ADAM32: variants seen among roughly 807,000 people sequenced by gnomAD.
ADAM32 encodes the protein ADAM metallopeptidase domain 32, also known as disintegrin and metalloproteinase domain-containing protein 32.
In ADAM32, 89 loss-of-function variants were observed where a neutral mutation model predicts 114.9. The observed-to-expected ratio is 0.77, with a 90% confidence interval of 0.65 to 0.92. ADAM32 has a LOEUF of 0.92. ADAM32 is among the 40% of genes least tolerant of loss of function. ADAM32 has a pLI of 0.00. For missense variants in ADAM32, 870 were observed against 932.8 expected, an observed-to-expected ratio of 0.93 and a Z score of 0.88; for synonymous variants, 285 against 307.5, an observed-to-expected ratio of 0.93 and a Z score of 0.77.
chr8:39,164,336 A>G (rs949970865), intron 7 of ADAM32, among the ~76,000 whole-genome samples: 9 of 152,192 alleles, frequency 5.9e-5, no homozygotes, highest in African/African-American at 2.2e-4. Flanking sequence ...TGCTGAGTTT[A>G]TGGTAGGAAT....
chr8:39,114,175 T>G (rs2129444131), intron 1 of ADAM32, among the ~76,000 whole-genome samples: 2 of 152,344 alleles, frequency 1.3e-5, no homozygotes, highest in Non-Finnish European at 2.9e-5. Flanking sequence ...GCTGGTATTT[T>G]GAGTCCTCAG....
At chr8:39,147,392 G>A (rs1442935779) in intron 4 of ADAM32, among the ~76,000 whole-genome samples, 187 bp downstream of exon 4, 1 of 151,816 alleles carries the variant, frequency 6.6e-6, no homozygotes, top group Non-Finnish European at 1.5e-5. Flanking sequence ...TCCCATTGCT[G>A]AGAACATAGT....
intron 11 of ADAM32, among the ~76,000 whole-genome samples, chr8:39,208,172 T>C (rs900355481): frequency 6.6e-6 from 1 of 152,202 alleles, no homozygotes. Flanking sequence ...GTTGTGTAAT[T>C]TACATTTTCA....
intron 22 of ADAM32, among the ~76,000 whole-genome samples, chr8:39,279,085 A>G (rs966570288): frequency 6.6e-6 from 1 of 152,128 alleles, no homozygotes. Flanking sequence ...TTATGATTAT[A>G]TGTTCTGATA....
chr8:39,130,924 C>CGGCATTTT (rs1176412329), intron 2 of ADAM32: 2 of 443,582 alleles, frequency 4.5e-6, no homozygotes, highest in African/African-American at 4.1e-5. Flanking sequence ...CCTATAATCC[C>CGGCATTTT]GGCATTTTGG....
chr8:39,267,986 A>G (rs774462497), intron 19 of ADAM32, among the ~76,000 whole-genome samples: 2 of 152,254 alleles, frequency 1.3e-5, no homozygotes, highest in African/African-American at 2.4e-5. Flanking sequence ...CCTTGAAAGC[A>G]GGGTACAAAG....
chr8:39,226,339 T>C (rs1250009722), intron 14 of ADAM32, among the ~76,000 whole-genome samples: 1 of 152,016 alleles, frequency 6.6e-6, no homozygotes. Context: ...TAATAATAAC[T>C]GAAAACTTCC....
chr8:39,206,342 A>C (rs1460035137), intron 11 of ADAM32, among the ~76,000 whole-genome samples: 2 of 152,034 alleles, frequency 1.3e-5, no homozygotes, highest in African/African-American at 4.8e-5. Flanking sequence ...TTTTGAGTGG[A>C]TTGTTCTTCT....
At chr8:39,147,914 C>G (rs756208163) in intron 4 of ADAM32, among the ~76,000 whole-genome samples, 1 of 152,080 alleles carries the variant, frequency 6.6e-6, no homozygotes, top group Non-Finnish European at 1.5e-5. Context: ...TTTGGGATTA[C>G]AGGCATGCAC....
At chr8:39,139,879 AGGTCCTTC>A (rs1803035960) in intron 3 of ADAM32, among the ~76,000 whole-genome samples, 1 of 152,102 alleles carries the variant, frequency 6.6e-6, no homozygotes, top group Non-Finnish European at 1.5e-5. Flanking sequence ...CTCCTTGAAG[AGGTCCTTC>A]ACATCCCTTG....
chr8:39,262,045 T>C (rs1420777539), intron 19 of ADAM32, among the ~76,000 whole-genome samples: 1 of 152,188 alleles, frequency 6.6e-6, no homozygotes, highest in African/African-American at 2.4e-5. Context: ...TTTAATTTGA[T>C]ATAATCCCAT....
At chr8:39,121,789 T>C (rs1039267586) in intron 2 of ADAM32, among the ~76,000 whole-genome samples, 1 of 151,890 alleles carries the variant, frequency 6.6e-6, no homozygotes, top group Non-Finnish European at 1.5e-5. Context: ...CCCAGAGCTG[T>C]GGGGGCAGAG....
intron 11 of ADAM32, among the ~76,000 whole-genome samples, chr8:39,207,564 T>G (rs1268290046): frequency 6.6e-6 from 1 of 152,224 alleles, no homozygotes. Context: ...ACAATAACAT[T>G]CAAAATCTGC....
At chr8:39,240,889 C>T (rs752267598) in intron 16 of ADAM32, among the ~76,000 whole-genome samples, 3 of 152,146 alleles carry the variant, frequency 2.0e-5, no homozygotes, top group Non-Finnish European at 2.9e-5. Context: ...GCCTTCCTAA[C>T]AGTCCCCCAA....
At chr8:39,129,935 A>G (rs1235285828) in intron 2 of ADAM32, 2 of 372,608 alleles carry the variant, frequency 5.4e-6, no homozygotes, top group Non-Finnish European at 1.0e-5. Context: ...ATGTTGGCAT[A>G]AAATTGTACA....
chr8:39,112,396 C>G (rs1046872259), intron 1 of ADAM32, among the ~76,000 whole-genome samples: 1 of 152,010 alleles, frequency 6.6e-6, no homozygotes, highest in African/African-American at 2.4e-5. Flanking sequence ...GATTTTTGTA[C>G]TAAGTTTATC....
In ADAM32 at chr8:39,173,970, G is replaced by A. The variant is rs191557030; in HGVS notation, c.915+3973G>A. Among the ~76,000 whole-genome samples the A allele has an allele frequency of 3.6e-3, 542 of 152,186 alleles. 7 individuals carry two copies. Among genetic ancestry groups the A allele is most frequent in the African/African-American group, 0.011 (469 of 41,528 alleles). ...CTTGCCAGTAGCTGGGATTACAGAC[G>A]TGCACTGCCACACTTGGCTAATTTT... On this transcript the variant is annotated intron_variant, in intron 10 of 24. Coordinates refer to ENST00000379907, the MANE Select transcript of ADAM32 (RefSeq NM_145004.7).
At chr8:39,283,456 T>G in intron 23 of ADAM32, 130 bp from the exon 24 acceptor site, 1 of 620,152 alleles carries the variant, frequency 1.6e-6, no homozygotes, top group Non-Finnish European at 2.5e-6. Context: ...GGTAGAAATT[T>G]GGCAAATATT....
intron 7 of ADAM32, among the ~76,000 whole-genome samples, chr8:39,161,517 G>A (rs13439696): frequency 6.6e-6 from 1 of 151,986 alleles, no homozygotes; most frequent in African/African-American, 2.4e-5. Flanking sequence ...ATTTCAGAAC[G>A]TTAGGGTGAC....
Sources: gnomAD v4.1 joint callset for allele counts (sites outside exome capture counted in the v4.1 genomes callset) on GRCh38, gnomAD v4.1.1 for gene constraint, MANE v1.5 for transcripts, NCBI Gene and HGNC (gene_info 2026-07-23, HGNC 2026-07-21) for gene names.